Variants in FHIT observed in about 807,000 individuals in gnomAD.
FHIT encodes bis(5'-adenosyl)-triphosphatase.
A neutral mutation model predicts 17.9 loss-of-function variants in FHIT; 19 were observed. That is an observed-to-expected ratio of 1.06 (90% confidence interval 0.74 to 1.56). The LOEUF (loss-of-function observed/expected upper bound fraction) is 1.56. FHIT is among the 40% of genes most tolerant of loss of function. FHIT has a pLI of 0.00. For missense variants in FHIT, 248 were observed against 189.2 expected, an observed-to-expected ratio of 1.31 and a Z score of -1.82; for synonymous variants, 81 against 69.7, an observed-to-expected ratio of 1.16 and a Z score of -0.81.
intron 5 of FHIT, among the ~76,000 whole-genome samples, chr3:60,154,907 G>A (rs1027739313): frequency 2.0e-5 from 3 of 152,082 alleles, no homozygotes; most frequent in Non-Finnish European, 4.4e-5. Context: ...GGTTGTTCAA[G>A]AATAAGGACC....
intron 7 of FHIT, among the ~76,000 whole-genome samples, chr3:60,002,280 TTG>T (rs1352104298): frequency 6.6e-6 from 1 of 152,110 alleles, no homozygotes; most frequent in Non-Finnish European, 1.5e-5. Flanking sequence ...AAACCACTGT[TTG>T]TGTGTGTTTT....
At chr3:60,491,435 AC>A (rs1346669336) in intron 5 of FHIT, among the ~76,000 whole-genome samples, 12 of 152,130 alleles carry the variant, frequency 7.9e-5, no homozygotes, top group African/African-American at 2.9e-4. Context: ...AAAAAGGCCA[AC>A]CAGAACAAAA....
intron 5 of FHIT, among the ~76,000 whole-genome samples, chr3:60,019,056 G>A (rs912576286): frequency 1.3e-5 from 2 of 152,150 alleles, no homozygotes; most frequent in East Asian, 1.9e-4. Flanking sequence ...TTTGCTGAGG[G>A]TCTCACCTGG....
chr3:60,701,095 TA>T (rs1371934399), intron 4 of FHIT, among the ~76,000 whole-genome samples: 1 of 151,646 alleles, frequency 6.6e-6, no homozygotes, highest in African/African-American at 2.4e-5. Flanking sequence ...TAGATAAACA[TA>T]CATTTCCCAA....
At chr3:61,025,371 C>G (rs1257716678) in intron 3 of FHIT, among the ~76,000 whole-genome samples, 1 of 152,124 alleles carries the variant, frequency 6.6e-6, no homozygotes, top group Non-Finnish European at 1.5e-5. Flanking sequence ...GGTCAGTGAC[C>G]AAATGTCACT....
chr3:60,768,912 G>A lies in FHIT; in HGVS notation c.-18+53007C>T, dbSNP rs1277380198. 2.6e-5 allele frequency among the ~76,000 whole-genome samples: 4 copies of A among 152,216 alleles called. No individual in the cohort carries two copies. In the East Asian group the frequency reaches 7.7e-4, roughly 29 times the overall value. ...CCAGCCACCTGGGGGCATGCTGTTTGTATGGACCCCATCTATCATAGAGGA... is the reference window on the plus strand; with the variant it reads ...CCAGCCACCTGGGGGCATGCTGTTTATATGGACCCCATCTATCATAGAGGA... On this transcript the variant is annotated intron_variant, in intron 4 of 9. Coordinates refer to ENST00000492590, the MANE Select transcript of FHIT (RefSeq NM_002012.4).
At chr3:60,650,931 T>A (rs782080939) in intron 4 of FHIT, among the ~76,000 whole-genome samples, 1 of 152,166 alleles carries the variant, frequency 6.6e-6, no homozygotes, top group Non-Finnish European at 1.5e-5. Flanking sequence ...GTTAGTATAG[T>A]TCCTTCTAGG....
At chr3:60,464,301 CATA>C (rs1462531415) in intron 5 of FHIT, among the ~76,000 whole-genome samples, 1 of 152,080 alleles carries the variant, frequency 6.6e-6, no homozygotes, top group African/African-American at 2.4e-5. Context: ...GAATACAATA[CATA>C]ATAATCACGT....
intron 5 of FHIT, among the ~76,000 whole-genome samples, chr3:60,274,073 TCTGTTTTCTCTACTTAAATCACTCTGC>T (rs562676540): frequency 6.6e-6 from 1 of 152,288 alleles, no homozygotes; most frequent in South Asian, 2.1e-4. Flanking sequence ...ATGTTACATA[TCTGTTTTCTCTACTTAAATCACTCTGC>T]CTCATTATCA....
chr3:60,908,959 T>C (rs967127256), intron 3 of FHIT, among the ~76,000 whole-genome samples: 3 of 152,182 alleles, frequency 2.0e-5, no homozygotes, highest in Non-Finnish European at 2.9e-5. Context: ...CCAAATATTC[T>C]CATTTTGGTA....
At chr3:60,444,775 C>T (rs1001250412) in intron 5 of FHIT, among the ~76,000 whole-genome samples, 2 of 151,692 alleles carry the variant, frequency 1.3e-5, no homozygotes, top group Non-Finnish European at 2.9e-5. Flanking sequence ...AGCACACCAA[C>T]ATGGCACATG....
intron 5 of FHIT, among the ~76,000 whole-genome samples, chr3:60,424,599 CCA>C (rs749162205): frequency 6.6e-6 from 1 of 151,656 alleles, no homozygotes; most frequent in East Asian, 1.9e-4. Context: ...CATTTCACAC[CCA>C]CACACACACA....
At chr3:59,814,045 TAC>T (rs144355020) in intron 8 of FHIT, among the ~76,000 whole-genome samples, 1,543 of 146,780 alleles carry the variant, frequency 0.011, 18 homozygotes, top group Non-Finnish European at 0.015. Flanking sequence ...AATTTACACA[TAC>T]ACACACACAC....
chr3:60,690,719 T>C (rs1553699400), intron 4 of FHIT: 5 of 425,492 alleles, frequency 1.2e-5, no homozygotes, highest in South Asian at 5.7e-5. Context: ...GGGTTGACCA[T>C]AGCTGGTAAT....
At chr3:59,889,982 T>C (rs1490298727) in intron 8 of FHIT, among the ~76,000 whole-genome samples, 1 of 152,206 alleles carries the variant, frequency 6.6e-6, no homozygotes, top group Non-Finnish European at 1.5e-5. Flanking sequence ...AAACTTTCCT[T>C]AGAATCTTAG....
intron 3 of FHIT, among the ~76,000 whole-genome samples, chr3:60,882,353 A>C (rs1335825781): frequency 2.0e-5 from 3 of 152,172 alleles, no homozygotes; most frequent in African/African-American, 7.2e-5. Context: ...ATAAAAGAGA[A>C]GGGAATTCTT....
intron 5 of FHIT, among the ~76,000 whole-genome samples, chr3:60,138,947 C>T (rs78749776): frequency 0.046 from 6,965 of 152,184 alleles, 235 homozygotes; most frequent in Non-Finnish European, 0.065. Flanking sequence ...ACAAAATAAA[C>T]GCTCTATCCA....
At chr3:59,918,010 C>A (rs1453567494) in intron 8 of FHIT, among the ~76,000 whole-genome samples, 1 of 152,148 alleles carries the variant, frequency 6.6e-6, no homozygotes, top group Non-Finnish European at 1.5e-5. Context: ...CAATTTGTAG[C>A]CTTCTGCACA....
intron 3 of FHIT, among the ~76,000 whole-genome samples, chr3:61,038,790 C>G (rs373060845): frequency 5.3e-5 from 8 of 152,252 alleles, no homozygotes; most frequent in African/African-American, 1.9e-4. Context: ...ATTATTGAAT[C>G]TAGGTATACA....
Sources: gnomAD v4.1 joint callset for allele counts (sites outside exome capture counted in the v4.1 genomes callset) on GRCh38, gnomAD v4.1.1 for gene constraint, MANE v1.5 for transcripts, NCBI Gene and HGNC (gene_info 2026-07-23, HGNC 2026-07-21) for gene names.